The following RBPMS variants were observed in gnomAD, a reference collection of about 807,000 sequenced individuals.
RBPMS encodes the protein RNA-binding protein with multiple splicing.
In RBPMS, 7 loss-of-function variants were observed where a neutral mutation model predicts 26.8. The ratio of observed to expected loss-of-function variants is 0.26; its 90% confidence interval spans 0.15 to 0.49. The LOEUF (loss-of-function observed/expected upper bound fraction) is 0.49, where lower values mean the gene tolerates loss of function less well. RBPMS is among the 20% of genes least tolerant of loss of function. The pLI, the probability that RBPMS is intolerant of heterozygous loss-of-function variation, is 0.98. For synonymous variants in RBPMS, 96 were observed against 93.3 expected (o/e 1.03, Z -0.17); for missense variants, 186 against 250.0 (o/e 0.74, Z 1.73).
At chr8:30,488,039 G>A (rs1480235116) in intron 4 of RBPMS, among the ~76,000 whole-genome samples, 1 of 152,014 alleles carries the variant, frequency 6.6e-6, no homozygotes, top group East Asian at 1.9e-4. Flanking sequence ...AAGCAGTTGG[G>A]TAGAAAATTC....
At chr8:30,485,137 A>G (rs1818651240) in intron 4 of RBPMS, among the ~76,000 whole-genome samples, 1 of 152,234 alleles carries the variant, frequency 6.6e-6, no homozygotes, top group South Asian at 2.1e-4. Context: ...CTGGGTACAT[A>G]GAAACATTTT....
intron 1 of RBPMS, among the ~76,000 whole-genome samples, chr8:30,441,644 C>T (rs566097010): frequency 6.6e-6 from 1 of 152,124 alleles, no homozygotes; most frequent in South Asian, 2.1e-4. Context: ...GCCTAACTTC[C>T]TCTGTTACAG....
intron 5 of RBPMS, among the ~76,000 whole-genome samples, chr8:30,525,930 G>A (rs534398215): frequency 7.3e-4 from 111 of 152,310 alleles, no homozygotes; most frequent in African/African-American, 2.5e-3. Flanking sequence ...AGAATTCCTT[G>A]CCACTCATGA....
intron 4 of RBPMS, among the ~76,000 whole-genome samples, chr8:30,487,075 G>T (rs16877081): frequency 6.6e-6 from 1 of 152,054 alleles, no homozygotes; most frequent in Non-Finnish European, 1.5e-5. Flanking sequence ...ATGAAGTGCC[G>T]AGTGAGTTTT....
At chr8:30,512,331 T>C (rs1307165439) in intron 5 of RBPMS, among the ~76,000 whole-genome samples, 1 of 152,238 alleles carries the variant, frequency 6.6e-6, no homozygotes, top group Non-Finnish European at 1.5e-5. Context: ...TGTATAAAAA[T>C]ACAGCATATG....
chr8:30,449,832 T>C (rs1353720955), intron 1 of RBPMS, among the ~76,000 whole-genome samples: 3 of 152,242 alleles, frequency 2.0e-5, no homozygotes, highest in African/African-American at 7.2e-5. Flanking sequence ...GCATTTTGCC[T>C]TTCACAGAGT....
At chr8:30,521,444 T>C (rs959089710) in intron 5 of RBPMS, among the ~76,000 whole-genome samples, 1 of 152,196 alleles carries the variant, frequency 6.6e-6, no homozygotes, top group African/African-American at 2.4e-5. Flanking sequence ...TAGTTGACTT[T>C]TTCGTTGTAC....
chr8:30,441,914 C>T (rs1813119893), intron 1 of RBPMS, among the ~76,000 whole-genome samples: 1 of 152,136 alleles, frequency 6.6e-6, no homozygotes. Context: ...CTCAGCCTCC[C>T]GAGTAGCTGG....
At chr8:30,503,600 G>C (rs899807161) in intron 4 of RBPMS, among the ~76,000 whole-genome samples, 7 of 151,770 alleles carry the variant, frequency 4.6e-5, no homozygotes, top group Non-Finnish European at 8.8e-5. Context: ...GAATGGTGGC[G>C]AGGGGGCGGG....
rs141372267 is a variant in RBPMS, at chr8:30,501,921, C to T, written c.247-2365C>T. Reference sequence around the variant, plus strand: ...TTTTCCCTCTTCGTTTCTGTGTTCTCCCTTTTCCTGCCCCTCTTTTTTCTC... The same window carrying T: ...TTTTCCCTCTTCGTTTCTGTGTTCTTCCTTTTCCTGCCCCTCTTTTTTCTC... On this transcript the variant is annotated intron_variant, in intron 4 of 8. Transcript: ENST00000397323. Among the ~76,000 whole-genome samples, 40 of 152,194 alleles carry T rather than the reference C, an allele frequency of 2.6e-4. No individual in the cohort carries two copies. The East Asian group carries it at 5.0e-3, about 19-fold the overall frequency.
chr8:30,554,429 GTTTC>G (rs1411465394), intron 6 of RBPMS, among the ~76,000 whole-genome samples: 5 of 152,150 alleles, frequency 3.3e-5, no homozygotes, highest in Admixed American at 6.5e-5. Context: ...AGTCAAACAG[GTTTC>G]TTTATTTTGG....
intron 4 of RBPMS, among the ~76,000 whole-genome samples, chr8:30,480,596 CCTT>C (rs1818171272): frequency 6.6e-6 from 1 of 152,260 alleles, no homozygotes; most frequent in African/African-American, 2.4e-5. Context: ...GGATAAATGA[CCTT>C]CTTGTCAGAA....
intron 6 of RBPMS, chr8:30,544,877 A>G (rs2151049342): frequency 6.7e-7 from 1 of 1,501,126 alleles, no homozygotes; most frequent in Non-Finnish European, 8.9e-7. Flanking sequence ...CTCACCTCAT[A>G]TCGCACATGA....
intron 1 of RBPMS, among the ~76,000 whole-genome samples, chr8:30,414,045 G>A (rs891131648): frequency 1.3e-5 from 2 of 152,114 alleles, no homozygotes; most frequent in Non-Finnish European, 2.9e-5. Flanking sequence ...CCCAGCCAGA[G>A]TGTTATTTCT....
chr8:30,388,218 A>G (rs995787289), intron 1 of RBPMS, among the ~76,000 whole-genome samples: 1 of 152,040 alleles, frequency 6.6e-6, no homozygotes, highest in East Asian at 1.9e-4. Context: ...TGTTTAGAGT[A>G]TCATGTCATT....
At chr8:30,561,332 G>A (rs746463209) in intron 7 of RBPMS, among the ~76,000 whole-genome samples, 8 of 151,990 alleles carry the variant, frequency 5.3e-5, no homozygotes, top group Non-Finnish European at 1.0e-4. Context: ...GGTTGCATAG[G>A]AACCTCCCCG....
intron 6 of RBPMS, chr8:30,545,322 T>TAAC (rs1336518265): frequency 1.6e-5 from 19 of 1,164,894 alleles, no homozygotes; most frequent in Non-Finnish European, 2.0e-5. Flanking sequence ...GTCTACATAC[T>TAAC]AACACTTCCT....
chr8:30,538,710 A>T (rs1825070165), intron 5 of RBPMS, among the ~76,000 whole-genome samples: 1 of 152,184 alleles, frequency 6.6e-6, no homozygotes, highest in African/African-American at 2.4e-5. Context: ...AATGGACAGA[A>T]ATCTGAAATC....
At chr8:30,567,016 A>G (rs1272793560) in intron 8 of RBPMS, among the ~76,000 whole-genome samples, 1 of 152,284 alleles carries the variant, frequency 6.6e-6, no homozygotes, top group East Asian at 1.9e-4. Context: ...TCTAAAAAAA[A>G]TCCTCCTGTA....
Sources: allele counts gnomAD v4.1 joint callset (sites outside exome capture counted in the v4.1 genomes callset), GRCh38; gene constraint gnomAD v4.1.1; transcripts MANE v1.5; gene names NCBI Gene and HGNC (gene_info 2026-07-23, HGNC 2026-07-21).